Variants in EFCAB7 observed in about 807,000 individuals in gnomAD.
The protein encoded by EFCAB7 is EF-hand calcium-binding domain-containing protein 7.
In EFCAB7, 66 loss-of-function variants were observed where a neutral mutation model predicts 77.1. The ratio of observed to expected loss-of-function variants is 0.86; its 90% CI spans 0.70 to 1.05. EFCAB7 has a LOEUF of 1.05. Ranked by LOEUF, EFCAB7 falls within the 50% of genes least tolerant of loss-of-function variation. The probability of loss-of-function intolerance (pLI) is 0.00; values close to 1 mark genes in which losing one functional copy is unlikely to be tolerated. For synonymous variants in EFCAB7, 225 were observed against 243.3 expected (o/e 0.92, Z 0.70); for missense variants, 638 against 730.5 (o/e 0.87, Z 1.46).
At chr1:63,555,633 C>T in intron 9 of EFCAB7, 118 bp downstream of exon 9, 1 of 846,934 alleles carries the variant, frequency 1.2e-6, no homozygotes. Context: ...TTCACCAATT[C>T]AACTCTTGTG....
At chr1:63,569,181 G>A (rs1472701220) in intron 12 of EFCAB7, 1 of 152,108 alleles carries the variant, frequency 6.6e-6, no homozygotes, top group Non-Finnish European at 1.5e-5. Context: ...GGTCCTACGT[G>A]AGACATATTT....
At chr1:63,569,629 T>C (rs902889068) in intron 12 of EFCAB7, 2 of 152,242 alleles carry the variant, frequency 1.3e-5, no homozygotes, top group Non-Finnish European at 2.9e-5. Context: ...ATATGAAGTA[T>C]AAAGGAAAGA....
chr1:63,582,824 C>T, the EFCAB7 span, among the ~76,000 whole-genome samples: 10 of 152,224 alleles, frequency 6.6e-5, no homozygotes, highest in South Asian at 2.1e-4. Context: ...AGGCTGGTCT[C>T]GAACTTCTGA....
At chr1:63,570,718 T>A (rs1043159568) in intron 12 of EFCAB7, 1 of 186,076 alleles carries the variant, frequency 5.4e-6, no homozygotes, top group Non-Finnish European at 1.1e-5. Flanking sequence ...AAATAGACAC[T>A]ATTGCTATCA....
chr1:63,544,921 C>CTTTTT (rs34798915), intron 6 of EFCAB7, among the ~76,000 whole-genome samples: 2 of 138,258 alleles, frequency 1.4e-5, no homozygotes, highest in African/African-American at 2.7e-5. Context: ...TCTTTTCTTT[C>CTTTTT]TTTTTTTTTT....
chr1:63,564,372 A>C (rs1157877489), intron 11 of EFCAB7, among the ~76,000 whole-genome samples: 4 of 152,158 alleles, frequency 2.6e-5, no homozygotes, highest in African/African-American at 9.6e-5. Context: ...TAATTTAAAA[A>C]TTTTAGAATG....
In EFCAB7 at chr1:63,561,696, G is replaced by A; in HGVS notation, c.1349-13G>A. 1 of 1,550,136 alleles carries A rather than the reference G, an allele frequency of 6.5e-7. No individual in the cohort carries two copies. The highest frequency in any genetic ancestry group is 8.7e-7 in the Non-Finnish European group (1 of 1,150,898). On this transcript the variant is annotated splice_polypyrimidine_tract_variant and intron_variant, in intron 10 of 13. Transcript: ENST00000371088. ...TAAATTATGTAAGAAAAAACTTTTG[G>A]TTGTTTAAACAGAGAATTTTGATAC... is the stretch of plus-strand genomic sequence containing the variant.
intron 6 of EFCAB7, among the ~76,000 whole-genome samples, chr1:63,545,623 C>A (rs1229805551): frequency 6.6e-6 from 1 of 152,046 alleles, no homozygotes; most frequent in African/African-American, 2.4e-5. Flanking sequence ...TGTGCCACCA[C>A]GCCCGGCTAA....
intron 6 of EFCAB7, among the ~76,000 whole-genome samples, chr1:63,540,551 A>G (rs528374858): frequency 1.3e-5 from 2 of 152,176 alleles, no homozygotes; most frequent in Non-Finnish European, 2.9e-5. Flanking sequence ...CAAACTCCTT[A>G]TAAAACTCTG....
intron 10 of EFCAB7, among the ~76,000 whole-genome samples, chr1:63,560,818 G>A (rs751064995): frequency 2.6e-5 from 4 of 152,064 alleles, no homozygotes; most frequent in Non-Finnish European, 5.9e-5. Flanking sequence ...CACCGTGCCC[G>A]GCTTCTAAAT....
intron 13 of EFCAB7, among the ~76,000 whole-genome samples, chr1:63,571,438 C>T (rs959770771): frequency 6.6e-6 from 1 of 151,964 alleles, no homozygotes. Flanking sequence ...CTTTGGGAGG[C>T]CGAGGTGGGT....
At chr1:63,567,025 A>G (rs1409685377) in intron 11 of EFCAB7, among the ~76,000 whole-genome samples, 2 of 152,118 alleles carry the variant, frequency 1.3e-5, no homozygotes, top group South Asian at 2.1e-4. Flanking sequence ...TTATTCAACA[A>G]ATACTTATTG....
At chr1:63,579,918 T>C in the EFCAB7 span, among the ~76,000 whole-genome samples, 8 of 152,216 alleles carry the variant, frequency 5.3e-5, no homozygotes, top group Admixed American at 5.2e-4. Context: ...TACTGTTGAG[T>C]TTTGAGTTTC....
intron 11 of EFCAB7, among the ~76,000 whole-genome samples, chr1:63,562,142 G>T (rs1336308421): frequency 2.0e-5 from 3 of 151,818 alleles, no homozygotes; most frequent in African/African-American, 7.3e-5. Context: ...ATTGGAAAAG[G>T]CAGTTTGAGT....
chr1:63,560,338 G>A (rs1329004070), intron 10 of EFCAB7, among the ~76,000 whole-genome samples: 3 of 151,948 alleles, frequency 2.0e-5, no homozygotes, highest in African/African-American at 7.3e-5. Context: ...CTATAGTACA[G>A]TATCTAGATA....
In EFCAB7 at chr1:63,551,923, A is replaced by C. The variant is rs181778436; in HGVS notation, c.1056+89A>C. 196 of 718,812 alleles carry C rather than the reference A, an allele frequency of 2.7e-4. No homozygotes were observed. The African/African-American group carries it at 3.3e-3, about 12-fold the overall frequency. 44.5% of individuals were successfully genotyped at this position (718,812 alleles called of 1,614,324 possible). A position where few individuals can be genotyped will look rare whatever the true frequency, so the allele number is the denominator to read the frequency against. ...GTATGTTTCTGTATTTTATTTTTTA[A>C]GCTTTCATATACCTTCCAATTAAGG... On this transcript the variant is annotated intron_variant, in intron 8 of 13. Coordinates refer to ENST00000371088, the MANE Select transcript of EFCAB7 (RefSeq NM_032437.4).
At chr1:63,529,628 A>T (rs9436245) in intron 2 of EFCAB7, 1 of 151,316 alleles carries the variant, frequency 6.6e-6, no homozygotes, top group Non-Finnish European at 1.5e-5. Flanking sequence ...CAGGAGAATC[A>T]CTTGAACCCG....
the EFCAB7 span, among the ~76,000 whole-genome samples, chr1:63,579,397 T>C: frequency 6.6e-6 from 1 of 152,228 alleles, no homozygotes; most frequent in African/African-American, 2.4e-5. Context: ...GTATCAATAG[T>C]TCCCTTTATT....
chr1:63,546,125 G>A (rs1646895711), intron 7 of EFCAB7, 68 bp downstream of exon 7: 6 of 1,490,420 alleles, frequency 4.0e-6, no homozygotes, highest in Non-Finnish European at 5.5e-6. Flanking sequence ...ACTTATGTAA[G>A]TATTCCATAG....
Sources: gnomAD v4.1 joint callset for allele counts (sites outside exome capture counted in the v4.1 genomes callset) on GRCh38, gnomAD v4.1.1 for gene constraint, MANE v1.5 for transcripts, NCBI Gene and HGNC (gene_info 2026-07-23, HGNC 2026-07-21) for gene names.